DENND1C: variants seen among roughly 807,000 people sequenced by gnomAD.
DENND1C encodes DENN domain-containing protein 1C.
In DENND1C, 64 loss-of-function variants were observed where a neutral mutation model predicts 87.9. That is an observed-to-expected ratio of 0.73 (90% confidence interval 0.60 to 0.90). The LOEUF is 0.90. DENND1C is among the 40% of genes least tolerant of loss of function. The pLI, the probability that DENND1C is intolerant of heterozygous loss-of-function variation, is 0.00. For synonymous variants in DENND1C, 384 were observed against 424.4 expected (o/e 0.90, Z 1.17); for missense variants, 980 against 1,037.0 (o/e 0.95, Z 0.76).
chr19:6,471,478 CCA>C lies in DENND1C; in HGVS notation c.1175_1176del (p.Leu392ArgfsTer77). The C allele has an allele frequency of 6.4e-7, 1 of 1,569,404 alleles. No homozygotes were observed. The highest frequency in any genetic ancestry group is 8.6e-7 in the Non-Finnish European group (1 of 1,156,988). ...AAGCCCTCCCCCTTGTTGAGCTTCT[CCA>C]GCCGGGCTTCGATGAACTGGGGTGG... is the stretch of plus-strand genomic sequence containing the variant. ...QLFKQFIEAR[L>X]EKLNKGEGFS... is the part of the protein sequence containing the mutation. On this transcript the variant is annotated frameshift_variant, in exon 16 of 23. Transcript: ENST00000381480. LOFTEE classifies it high-confidence loss of function.
Position 6,475,954 on chromosome 19 carries a change from G to C in DENND1C, c.679-17C>G. The C allele has an allele frequency of 6.5e-7, 1 of 1,543,020 alleles. No individual in the cohort carries two copies. The highest frequency in any genetic ancestry group is 1.2e-5 in the South Asian group (1 of 83,544). ...CGAGGTCAGCTGGGGAGCGATGGCG[G>C]GGCGTGGAGTCAGGGCCTGGACCCT... On this transcript the variant is annotated splice_polypyrimidine_tract_variant and intron_variant, in intron 10 of 22. Transcript: ENST00000381480.
chr19:6,478,690 GCCAAGC>G, intron 6 of DENND1C, 87 bp downstream of exon 6: 1 of 1,432,926 alleles, frequency 7.0e-7, no homozygotes, highest in Admixed American at 2.0e-5. Context: ...AGTGTGCCCT[GCCAAGC>G]CTGGGAGATC....
chr19:6,468,594 C>T lies in DENND1C; in HGVS notation c.1567G>A (p.Glu523Lys), dbSNP rs1050454693. The T allele has an allele frequency of 4.0e-5, 61 of 1,526,210 alleles. No individual in the cohort carries two copies. Among genetic ancestry groups the T allele is most frequent in the African/African-American group, 1.4e-4 (10 of 72,204 alleles). The allele number at this position is 1,526,210 out of a possible 1,614,324, so 94.5% of individuals were successfully genotyped here. The change falls in exon 21 of 23, where the codon GAG (glutamate) becomes AAG (lysine). Residue 523 changes from glutamate (E) to lysine (K), a missense_variant. Glu to Lys is a moderately conservative substitution (Grantham distance 56). Coordinates refer to ENST00000381480, the MANE Select transcript of DENND1C (RefSeq NM_024898.4). ...TTGCCTTACCCCGCCCCTGGGGGCT[C>T]GGAAGTTCCCTCTTCCAGCTGGCGT... ...RRRQLEEGTSEPPGAGTPPLS... is the reference protein window; with the variant it reads ...RRRQLEEGTSKPPGAGTPPLS...
At chr19:6,478,265 C>T (rs776527775) in intron 6 of DENND1C, among the ~76,000 whole-genome samples, 1 of 152,022 alleles carries the variant, frequency 6.6e-6, no homozygotes, top group South Asian at 2.1e-4. Context: ...TTTTTTGAGA[C>T]GGAGTTTCGC....
Position 6,468,831 on chromosome 19 carries a change from GA to G in DENND1C, c.1515+14del. The G allele has an allele frequency of 2.0e-6, 3 of 1,504,114 alleles. No homozygotes were observed. The highest frequency in any genetic ancestry group is 1.4e-5 in the South Asian group (1 of 72,432). The allele number at this position is 1,504,114 out of a possible 1,614,324, so 93.2% of individuals were successfully genotyped here. On this transcript the variant is annotated intron_variant, in intron 20 of 22. Transcript: ENST00000381480. ...ATAATTCCAGGTGTGTGCATGGGGG[GA>G]GGGGCGCTCTCACCTTTCCAAAGTG...
rs763777955 is a variant in DENND1C at position 6,469,654 on chromosome 19, G to A, written c.1363-14C>T. ...GCCACTCTTGGCCTATAAAGGAGTG[G>A]ACAGAGAATTACCCAAGGGTGGTGG... On this transcript the variant is annotated splice_polypyrimidine_tract_variant and intron_variant, in intron 18 of 22. Transcript: ENST00000381480. The A allele has an allele frequency of 1.9e-6, 3 of 1,601,598 alleles. No homozygotes were observed. The African/African-American group carries it at 4.0e-5, about 21-fold the overall frequency.
rs547405926 is a variant in DENND1C, at chr19:6,468,775, A to G, written c.1515+71T>C. On this transcript the variant is annotated intron_variant, in intron 20 of 22. Coordinates refer to ENST00000381480, the MANE Select transcript of DENND1C (RefSeq NM_024898.4). Reference sequence around the variant, plus strand: ...TTGAAGAAGGAGGTGAGATGTCTGGATGGGGACTGGGATGGGTAGAGGATT... The same window carrying G: ...TTGAAGAAGGAGGTGAGATGTCTGGGTGGGGACTGGGATGGGTAGAGGATT... The G allele has an allele frequency of 1.1e-4, 156 of 1,421,064 alleles. No individual in the cohort carries two copies. The African/African-American group carries it at 2.0e-3, about 18-fold the overall frequency. The allele number at this position is 1,421,064 out of a possible 1,614,324, so 88.0% of individuals were successfully genotyped here.
intron 3 of DENND1C, 47 bp downstream of exon 3, chr19:6,479,812 G>A (rs2092887533): frequency 6.2e-7 from 1 of 1,613,588 alleles, no homozygotes; most frequent in African/African-American, 1.3e-5. Context: ...CCCTCCCCCT[G>A]GGAGACTGGC....
At chr19:6,481,594 G>T in intron 1 of DENND1C, 85 bp downstream of exon 1, 1 of 1,590,796 alleles carries the variant, frequency 6.3e-7, no homozygotes, top group Non-Finnish European at 8.6e-7. Flanking sequence ...TCCCGGGCCT[G>T]CTCCAGCCCC....
At chr19:6,475,453 G>A (rs766363660) in intron 13 of DENND1C, 31 bp downstream of exon 13, 3 of 1,613,618 alleles carry the variant, frequency 1.9e-6, no homozygotes, top group Non-Finnish European at 2.5e-6. Flanking sequence ...CTCGCCTCCC[G>A]GGGCAGGAAG....
rs746721588 is a variant in DENND1C at position 6,467,490 on chromosome 19, T to G, written c.*14A>C. 2 of 1,566,196 alleles carry G rather than the reference T, an allele frequency of 1.3e-6. No homozygotes were observed. The highest frequency in any genetic ancestry group is 1.7e-6 in the Non-Finnish European group (2 of 1,160,640). On this transcript the variant is annotated 3_prime_UTR_variant, in exon 23 of 23. Coordinates refer to ENST00000381480, the MANE Select transcript of DENND1C (RefSeq NM_024898.4). ...TTTATTGAGGGACTGGGGTCTCTCT[T>G]GGACCCCTGATTCTTAACCCTCAAA...
At chr19:6,472,764 G>T (rs2092836482) in intron 15 of DENND1C, 125 bp downstream of exon 15, 1 of 697,252 alleles carries the variant, frequency 1.4e-6, no homozygotes, top group Middle Eastern at 4.6e-4. Context: ...GATCCTGCTG[G>T]ACTGTCTCCA....
chr19:6,479,892 G>GA lies in DENND1C; in HGVS notation c.92dup (p.Leu32ProfsTer19), dbSNP rs1568402275. 5.0e-6 allele frequency: 8 copies of GA among 1,605,682 alleles called. No homozygotes were observed. In the South Asian group the frequency reaches 8.9e-5, roughly 18 times the overall value. ...TGAAGTCTGGAGGGAACTGCCGCAG[G>GA]ATGGGGGGATCTGTAGAAGAGAGCA... On this transcript the variant is annotated frameshift_variant, in exon 3 of 23. Transcript: ENST00000381480. LOFTEE classifies it high-confidence loss of function.
chr19:6,470,197 G>A, intron 18 of DENND1C, 98 bp downstream of exon 18: 1 of 1,226,250 alleles, frequency 8.2e-7, no homozygotes, highest in Non-Finnish European at 1.2e-6. Context: ...TAAAGTGTCT[G>A]CCAGGGTCAA....
Position 6,468,455 on chromosome 19 carries a change from G to T in DENND1C, c.1584-14C>A. 6.2e-7 allele frequency: 1 copy of T among 1,606,480 alleles called. No individual in the cohort carries two copies. On this transcript the variant is annotated splice_polypyrimidine_tract_variant and intron_variant, in intron 21 of 22. Coordinates refer to ENST00000381480, the MANE Select transcript of DENND1C (RefSeq NM_024898.4). ...AGTGGGGGTGTCCTGGGTGAGGATG[G>T]GCAGCCTCAGATATTTGCCCAAGAC...
At chr19:6,475,212 C>T (rs772091930) in intron 14 of DENND1C, 62 bp downstream of exon 14, 209 of 1,604,780 alleles carry the variant, frequency 1.3e-4, no homozygotes, top group Non-Finnish European at 1.7e-4. Flanking sequence ...CTGTACCTAT[C>T]GTTACATTGC....
rs1394712158 is a variant in DENND1C, at chr19:6,469,532, C to T, written c.1407+64G>A. On this transcript the variant is annotated intron_variant, in intron 19 of 22. Coordinates refer to ENST00000381480, the MANE Select transcript of DENND1C (RefSeq NM_024898.4). ...CTCCTGGGCTCAAGCAATCCTCCTG[C>T]CTCGGCCTCCCAAAGTGCTGGGATT... The T allele has an allele frequency of 1.1e-5, 16 of 1,517,012 alleles. No individual in the cohort carries two copies. The South Asian group carries it at 1.7e-4, about 16-fold the overall frequency. The allele number at this position is 1,517,012 out of a possible 1,614,324, so 94.0% of individuals were successfully genotyped here. A position where few individuals can be genotyped will look rare whatever the true frequency, so the allele number is the denominator to read the frequency against.
chr19:6,467,784 T>G lies in DENND1C; in HGVS notation c.2126A>C (p.Glu709Ala), dbSNP rs1170446841. The G allele has an allele frequency of 6.5e-7, 1 of 1,526,748 alleles. No individual in the cohort carries two copies. The highest frequency in any genetic ancestry group is 1.3e-5 in the South Asian group (1 of 75,596). 94.6% of individuals were successfully genotyped at this position (1,526,748 alleles called of 1,614,324 possible). The change falls in exon 23 of 23, where the codon GAG (glutamate) becomes GCG (alanine). Residue 709 changes from glutamate (E) to alanine (A), a missense_variant. Coordinates refer to ENST00000381480, the MANE Select transcript of DENND1C (RefSeq NM_024898.4). ...PTPWLSTAPTEPSPPESPQIL... is the reference protein window; with the variant it reads ...PTPWLSTAPTAPSPPESPQIL... The stretch of plus-strand genomic sequence containing the variant: ...TTGGGGGCTTTCTGGAGGGCTGGGC[T>G]CAGTGGGTGCAGTGGAGAGCCAGGG...
At position 6,477,140 on chromosome 19, in the gene DENND1C, T is replaced by C. The variant is rs759710402; in HGVS notation, c.514-13A>G. The C allele has an allele frequency of 3.9e-5, 63 of 1,601,230 alleles. No homozygotes were observed. Among genetic ancestry groups the C allele is most frequent in the Middle Eastern group, 1.7e-4 (1 of 5,986 alleles). On this transcript the variant is annotated splice_polypyrimidine_tract_variant and intron_variant, in intron 8 of 22. Coordinates refer to ENST00000381480, the MANE Select transcript of DENND1C (RefSeq NM_024898.4). The stretch of plus-strand genomic sequence containing the variant: ...CGAAGCAGGAAAGCTGGTGGGGGTA[T>C]TGGCAGGGGGATCAATCAGTCAGGA...
Sources: allele counts gnomAD v4.1 joint callset (sites outside exome capture counted in the v4.1 genomes callset), GRCh38; gene constraint gnomAD v4.1.1; transcripts MANE v1.5; gene names NCBI Gene and HGNC (gene_info 2026-07-23, HGNC 2026-07-21).